Variants in LMBR1 observed in about 807,000 individuals in gnomAD.
LMBR1 encodes the protein limb development membrane protein 1.
Under a neutral mutation model 73.9 loss-of-function variants are expected in LMBR1, and 52 were observed. That is an observed-to-expected ratio of 0.70 (90% CI 0.56 to 0.89). LMBR1 has a LOEUF of 0.89. Among genes scored for constraint, LMBR1 ranks in the 40% least tolerant of loss-of-function variants. LMBR1 has a pLI of 0.00. For missense variants in LMBR1, 539 were observed against 579.8 expected (o/e 0.93, Z 0.72); for synonymous variants, 215 against 209.4 (o/e 1.03, Z -0.23).
At chr7:156,883,549 G>A (rs1357392523) in intron 1 of LMBR1, among the ~76,000 whole-genome samples, 1 of 152,194 alleles carries the variant, frequency 6.6e-6, no homozygotes, top group Non-Finnish European at 1.5e-5. Flanking sequence ...CCTGATGAAG[G>A]AGTAGGAATC....
At chr7:156,892,862 G>C (rs1392750768) in intron 1 of LMBR1, 66 bp downstream of exon 1, 2 of 1,262,518 alleles carry the variant, frequency 1.6e-6, no homozygotes, top group South Asian at 1.7e-5. Context: ...CCGGGGGCCC[G>C]GGGGCGGGGA....
chr7:156,705,424 T>G (rs745814287), intron 15 of LMBR1, among the ~76,000 whole-genome samples: 1 of 152,156 alleles, frequency 6.6e-6, no homozygotes, highest in African/African-American at 2.4e-5. Context: ...CTGGGCATGG[T>G]AGCATGTGCC....
At chr7:156,671,172 A>G (rs961155166) in intron 4 of LMBR1, among the ~76,000 whole-genome samples, 1 of 152,248 alleles carries the variant, frequency 6.6e-6, no homozygotes, top group African/African-American at 2.4e-5. Context: ...AATTGAAAAG[A>G]GCAAAAATTA....
intron 5 of LMBR1, among the ~76,000 whole-genome samples, chr7:156,782,400 T>C (rs1827305284): frequency 6.6e-6 from 1 of 152,208 alleles, no homozygotes; most frequent in East Asian, 1.9e-4. Flanking sequence ...CATATTGTTT[T>C]CCACACCAGC....
In LMBR1 at chr7:156,731,371, T is replaced by C. The variant is rs552220532; in HGVS notation, c.839-2651A>G. 8.8e-4 allele frequency among the ~76,000 whole-genome samples: 134 copies of C among 152,246 alleles called. No homozygotes were observed. The Middle Eastern group carries it at 0.01, about 12-fold the overall frequency. ...ATATCTGATAAGACAATGGCCAAGA[T>C]TTTCCCAAATAGATAAAAGACATCA... On this transcript the variant is annotated intron_variant, in intron 10 of 16. Transcript: ENST00000353442.
At chr7:156,699,230 G>C (rs1256790164) in intron 15 of LMBR1, among the ~76,000 whole-genome samples, 1 of 152,144 alleles carries the variant, frequency 6.6e-6, no homozygotes, top group African/African-American at 2.4e-5. Context: ...GAATAGAACA[G>C]AGCCCTCAGA....
chr7:156,707,759 A>G (rs916249712), intron 15 of LMBR1, among the ~76,000 whole-genome samples: 1 of 152,116 alleles, frequency 6.6e-6, no homozygotes, highest in African/African-American at 2.4e-5. Context: ...ACAGCCAAAA[A>G]TCATAAGAAC....
chr7:156,675,613 A>G (rs1563103496), downstream of LMBR1: 1 of 1,181,946 alleles, frequency 8.5e-7, no homozygotes, highest in East Asian at 2.4e-5. Flanking sequence ...GGTTACCAAA[A>G]TAGATGGTCA....
intron 4 of LMBR1, among the ~76,000 whole-genome samples, chr7:156,802,132 G>A (rs12673258): frequency 0.13 from 20,363 of 152,122 alleles, 1,458 homozygotes; most frequent in Non-Finnish European, 0.16. Flanking sequence ...ACAGGCACGC[G>A]CCACTGCGCC....
chr7:156,820,273 G>A (rs938195498), intron 4 of LMBR1, among the ~76,000 whole-genome samples: 6 of 152,116 alleles, frequency 3.9e-5, no homozygotes, highest in Non-Finnish European at 8.8e-5. Context: ...GTCCCTGTTA[G>A]TAAAGACCAC....
At chr7:156,761,986 A>AAAAAAAAAAAAAAAC (rs1209361105) in intron 8 of LMBR1, 148 bp downstream of exon 8, 11 of 578,050 alleles carry the variant, frequency 1.9e-5, no homozygotes, top group African/African-American at 3.9e-5. Context: ...CAAAAAAAAA[A>AAAAAAAAAAAAAAAC]AAAAAACTTA....
chr7:156,782,054 G>C (rs968018637), intron 5 of LMBR1, among the ~76,000 whole-genome samples: 4 of 152,158 alleles, frequency 2.6e-5, no homozygotes, highest in Admixed American at 6.5e-5. Context: ...CAATGCTATA[G>C]GTATCTCATT....
intron 1 of LMBR1, among the ~76,000 whole-genome samples, chr7:156,891,204 AAAAAAAAAT>A (rs956159963): frequency 6.1e-5 from 6 of 98,166 alleles, no homozygotes; most frequent in African/African-American, 1.8e-4. Context: ...AAAAAAAAAA[AAAAAAAAAT>A]ATATATATAT....
intron 1 of LMBR1, among the ~76,000 whole-genome samples, chr7:156,862,731 C>T (rs563525568): frequency 6.4e-4 from 97 of 152,326 alleles, no homozygotes; most frequent in Non-Finnish European, 1.1e-3. Context: ...ACTCTCCCTA[C>T]ATAATGTGGT....
chr7:156,878,277 A>G (rs1800519597), intron 1 of LMBR1, among the ~76,000 whole-genome samples: 1 of 152,206 alleles, frequency 6.6e-6, no homozygotes, highest in African/African-American at 2.4e-5. Context: ...CTGTTTGCTG[A>G]TGATATGAAT....
At chr7:156,711,502 C>T (rs1428838870) in intron 15 of LMBR1, among the ~76,000 whole-genome samples, 1 of 151,980 alleles carries the variant, frequency 6.6e-6, no homozygotes, top group African/African-American at 2.4e-5. Context: ...AAAAAAACTA[C>T]CCTAAAATGT....
intron 1 of LMBR1, among the ~76,000 whole-genome samples, chr7:156,884,583 A>G (rs1801594491): frequency 6.6e-6 from 1 of 152,180 alleles, no homozygotes; most frequent in African/African-American, 2.4e-5. Flanking sequence ...CCCCATACAG[A>G]TCAAAGCCTC....
chr7:156,836,618 C>T (rs933234028), intron 2 of LMBR1, among the ~76,000 whole-genome samples, 195 bp downstream of exon 2: 1 of 152,184 alleles, frequency 6.6e-6, no homozygotes, highest in African/African-American at 2.4e-5. Flanking sequence ...GGACTCTGGT[C>T]TAAGAGGATG....
chr7:156,742,773 A>G (rs1819134119), intron 9 of LMBR1, among the ~76,000 whole-genome samples: 2 of 152,118 alleles, frequency 1.3e-5, no homozygotes, highest in Non-Finnish European at 2.9e-5. Flanking sequence ...GGGGCCAGTA[A>G]TACCCTGATA....
Sources: gnomAD v4.1 joint callset for allele counts (sites outside exome capture counted in the v4.1 genomes callset) on GRCh38, gnomAD v4.1.1 for gene constraint, MANE v1.5 for transcripts, NCBI Gene and HGNC (gene_info 2026-07-23, HGNC 2026-07-21) for gene names.